Variants in CCDC6 observed in about 807,000 individuals in gnomAD.
CCDC6 encodes coiled-coil domain-containing protein 6.
CCDC6 carries 20 observed loss-of-function variants against 56.6 expected under a neutral mutation model. The ratio of observed to expected loss-of-function variants is 0.35; its 90% confidence interval spans 0.25 to 0.51. The LOEUF is 0.51. Among genes scored for constraint, CCDC6 ranks in the 20% least tolerant of loss-of-function variants. CCDC6 has a pLI of 0.95. For synonymous variants in CCDC6, 241 were observed against 234.4 expected, an observed-to-expected ratio of 1.03 and a Z score of -0.26; for missense variants, 367 against 601.1, an observed-to-expected ratio of 0.61 and a Z score of 4.07.
At chr10:59,798,070 C>T (rs1172074322) in intron 7 of CCDC6, among the ~76,000 whole-genome samples, 1 of 152,186 alleles carries the variant, frequency 6.6e-6, no homozygotes, top group Admixed American at 6.5e-5. Flanking sequence ...TATCACTGCA[C>T]AAATGTGGCT....
chr10:59,888,283 T>A (rs547408229), intron 1 of CCDC6, among the ~76,000 whole-genome samples: 2 of 152,236 alleles, frequency 1.3e-5, no homozygotes, highest in Non-Finnish European at 2.9e-5. Context: ...ATTTCTCAGC[T>A]AGAAGCTTCC....
intron 1 of CCDC6, among the ~76,000 whole-genome samples, chr10:59,873,628 C>CA (rs1272997770): frequency 1.3e-5 from 2 of 152,026 alleles, no homozygotes; most frequent in Non-Finnish European, 2.9e-5. Context: ...CTCCCACCAC[C>CA]AAAAAAACCT....
chr10:59,808,858 C>CAAG (rs1402605152), intron 5 of CCDC6, among the ~76,000 whole-genome samples: 11 of 152,180 alleles, frequency 7.2e-5, no homozygotes, highest in Admixed American at 2.6e-4. Flanking sequence ...AGCATCATTA[C>CAAG]AGATATACAA....
chr10:59,815,292 G>A (rs977674322), intron 3 of CCDC6, among the ~76,000 whole-genome samples: 1 of 152,182 alleles, frequency 6.6e-6, no homozygotes, highest in African/African-American at 2.4e-5. Flanking sequence ...GGTTACTCTA[G>A]GTTACTCTAA....
intron 2 of CCDC6, among the ~76,000 whole-genome samples, 192 bp downstream of exon 2, chr10:59,852,361 A>G (rs2271562): frequency 0.16 from 24,888 of 152,146 alleles, 2,558 homozygotes; most frequent in African/African-American, 0.29. Context: ...TACCTAACAT[A>G]TGCAGATAAG....
At chr10:59,878,840 A>AT (rs1339131594) in intron 1 of CCDC6, among the ~76,000 whole-genome samples, 1 of 151,972 alleles carries the variant, frequency 6.6e-6, no homozygotes, top group African/African-American at 2.4e-5. Flanking sequence ...CTTTCAGAAA[A>AT]TTTTTTTTCA....
chr10:59,866,776 C>G (rs1050311046), intron 1 of CCDC6, among the ~76,000 whole-genome samples: 1 of 152,190 alleles, frequency 6.6e-6, no homozygotes, highest in Admixed American at 6.5e-5. Context: ...AGTAACAATA[C>G]CTTCCTCTGA....
At chr10:59,793,207 T>C in intron 8 of CCDC6, 96 bp from the exon 9 acceptor site, 1 of 904,964 alleles carries the variant, frequency 1.1e-6, no homozygotes. Context: ...AATCAAACAC[T>C]AACCAACAAA....
chr10:59,896,652 G>A (rs1269789049), intron 1 of CCDC6, among the ~76,000 whole-genome samples: 1 of 151,808 alleles, frequency 6.6e-6, no homozygotes, highest in East Asian at 1.9e-4. Context: ...AAGTCACTAG[G>A]AATAGAGGTT....
At chr10:59,889,432 C>A (rs1249381246) in intron 1 of CCDC6, among the ~76,000 whole-genome samples, 1 of 152,188 alleles carries the variant, frequency 6.6e-6, no homozygotes, top group Non-Finnish European at 1.5e-5. Flanking sequence ...CCCTAGAATG[C>A]CCTTTATTCA....
At chr10:59,804,262 CTT>C (rs3841635) in intron 7 of CCDC6, among the ~76,000 whole-genome samples, 156 bp downstream of exon 7, 57,206 of 149,682 alleles carry the variant, frequency 0.38, 10,848 homozygotes, top group South Asian at 0.44. Context: ...TTTTCAAACT[CTT>C]AGCCTTGAGA....
intron 8 of CCDC6, 41 bp downstream of exon 8, chr10:59,794,432 T>C (rs1249710957): frequency 6.2e-7 from 1 of 1,609,344 alleles, no homozygotes; most frequent in Admixed American, 1.7e-5. Flanking sequence ...CGGTACCACT[T>C]TCAGGAGTAA....
At chr10:59,817,654 T>C (rs1447371233) in intron 3 of CCDC6, among the ~76,000 whole-genome samples, 2 of 152,190 alleles carry the variant, frequency 1.3e-5, no homozygotes, top group African/African-American at 4.8e-5. Context: ...CAATTACTTT[T>C]AGAGTAAATA....
intron 7 of CCDC6, among the ~76,000 whole-genome samples, chr10:59,797,588 C>CAAAAA (rs10561094): frequency 0.014 from 441 of 31,490 alleles, 18 homozygotes; most frequent in African/African-American, 0.042. Context: ...AACCTCCTAG[C>CAAAAA]AAAAAAAAAA....
chr10:59,856,443 G>C (rs1032897653), intron 1 of CCDC6, among the ~76,000 whole-genome samples: 2 of 151,944 alleles, frequency 1.3e-5, no homozygotes, highest in Non-Finnish European at 2.9e-5. Flanking sequence ...AAAGTATTAA[G>C]TGTCCATTTG....
intron 1 of CCDC6, among the ~76,000 whole-genome samples, chr10:59,883,611 T>C (rs1266933986): frequency 6.6e-6 from 1 of 152,226 alleles, no homozygotes; most frequent in Non-Finnish European, 1.5e-5. Context: ...ACTGGAAGGT[T>C]ACTCAAAATT....
chr10:59,905,400 C>G (rs754536715), intron 1 of CCDC6, among the ~76,000 whole-genome samples: 4 of 152,216 alleles, frequency 2.6e-5, no homozygotes, highest in African/African-American at 9.7e-5. Context: ...TCTGGCTCAG[C>G]CAGGGAGTCA....
chr10:59,903,870 T>C (rs983481163), intron 1 of CCDC6, among the ~76,000 whole-genome samples: 1 of 152,076 alleles, frequency 6.6e-6, no homozygotes, highest in Non-Finnish European at 1.5e-5. Flanking sequence ...CACATAAATT[T>C]CTCCTCCCGC....
At chr10:59,893,713 T>C (rs1255844390) in intron 1 of CCDC6, among the ~76,000 whole-genome samples, 1 of 143,766 alleles carries the variant, frequency 7.0e-6, no homozygotes, top group African/African-American at 2.5e-5. Flanking sequence ...TCTGTATACT[T>C]TAAAGTAAGT....
Sources: allele counts gnomAD v4.1 joint callset (sites outside exome capture counted in the v4.1 genomes callset), GRCh38; gene constraint gnomAD v4.1.1; transcripts MANE v1.5; gene names NCBI Gene and HGNC (gene_info 2026-07-23, HGNC 2026-07-21).